Variants in GGNBP2 observed in about 807,000 individuals in gnomAD.
GGNBP2 encodes gametogenetin-binding protein 2.
A neutral mutation model predicts 85.9 loss-of-function variants in GGNBP2; 10 were observed. The observed-to-expected ratio is 0.12, with a 90% confidence interval of 0.07 to 0.20. The LOEUF (loss-of-function observed/expected upper bound fraction) is 0.20, where lower values mean the gene tolerates loss of function less well. GGNBP2 is among the 10% of genes least tolerant of loss of function. The pLI is 1.00. For synonymous variants in GGNBP2, 287 were observed against 285.7 expected (o/e 1.00, Z -0.05); for missense variants, 595 against 857.8 (o/e 0.69, Z 3.83).
chr17:36,589,080 A>C, intron 13 of GGNBP2, 128 bp from the exon 14 acceptor site: 2 of 670,594 alleles, frequency 3.0e-6, no homozygotes, highest in Non-Finnish European at 5.3e-6. Context: ...CAAACACTCC[A>C]ATTAAAGGCT....
rs111854607 is a variant in GGNBP2 at position 36,586,325 on chromosome 17, G to A, written c.1641+127G>A. 6.1e-6 allele frequency: 7 copies of A among 1,144,312 alleles called. No individual in the cohort carries two copies. In the African/African-American group the frequency reaches 9.4e-5, roughly 15 times the overall value. The allele number at this position is 1,144,312 out of a possible 1,614,324, so 70.9% of individuals were successfully genotyped here. On this transcript the variant is annotated intron_variant, in intron 12 of 13. Transcript: ENST00000613102. ...TTTTTTAGAATGAGTTCTTTATGCA[G>A]TTCCATTGGGTGCTCATCGTGTGAG...
At chr17:36,558,395 CA>C (rs2074384087) in intron 4 of GGNBP2, among the ~76,000 whole-genome samples, 1 of 38,948 alleles carries the variant, frequency 2.6e-5, no homozygotes, top group Non-Finnish European at 4.5e-5. Flanking sequence ...GCCTGGGCAA[CA>C]AGAGTAAAGC....
At chr17:36,561,652 T>G (rs1599514667) in intron 5 of GGNBP2, among the ~76,000 whole-genome samples, 1 of 151,212 alleles carries the variant, frequency 6.6e-6, no homozygotes, top group East Asian at 2.0e-4. Flanking sequence ...TGAGATGGAG[T>G]CTCCTCTGTC....
chr17:36,572,741 A>G (rs1295457374), intron 6 of GGNBP2, among the ~76,000 whole-genome samples: 4 of 152,234 alleles, frequency 2.6e-5, no homozygotes, highest in African/African-American at 9.6e-5. Flanking sequence ...TTTTAAGTGT[A>G]CATTATAATT....
chr17:36,557,521 A>G (rs966735489), intron 4 of GGNBP2, among the ~76,000 whole-genome samples, 185 bp downstream of exon 4: 5 of 152,176 alleles, frequency 3.3e-5, no homozygotes, highest in African/African-American at 1.2e-4. Flanking sequence ...GAAAGCAAAT[A>G]TTCAATTTGT....
At chr17:36,558,519 G>A (rs930227954) in intron 4 of GGNBP2, among the ~76,000 whole-genome samples, 1 of 146,818 alleles carries the variant, frequency 6.8e-6, no homozygotes, top group Admixed American at 6.8e-5. Context: ...GCAATGGCTC[G>A]ATCTCAGCTC....
intron 10 of GGNBP2, 121 bp from the exon 11 acceptor site, chr17:36,585,719 A>G (rs2074694320): frequency 1.2e-6 from 1 of 822,042 alleles, no homozygotes. Context: ...TTCATTGGAA[A>G]TGTTCTACTT....
At chr17:36,575,069 G>A (rs775637713) in intron 6 of GGNBP2, 24 of 1,041,268 alleles carry the variant, frequency 2.3e-5, no homozygotes, top group Non-Finnish European at 3.5e-5. Flanking sequence ...AGTGATCTCA[G>A]ATTCCTTCAT....
chr17:36,554,304 G>A (rs1363052385), intron 2 of GGNBP2, among the ~76,000 whole-genome samples: 13 of 74,038 alleles, frequency 1.8e-4, no homozygotes, highest in East Asian at 8.8e-4. Flanking sequence ...GCAAGACTCC[G>A]TCTCAAAAAA....
At chr17:36,584,935 CAG>C (rs2142786403) in intron 9 of GGNBP2, among the ~76,000 whole-genome samples, 1 of 140,118 alleles carries the variant, frequency 7.1e-6, no homozygotes, top group East Asian at 2.1e-4. Context: ...GCCTAAGTGA[CAG>C]AGGGAGACCG....
At chr17:36,581,655 G>A in intron 9 of GGNBP2, 117 bp downstream of exon 9, 1 of 624,412 alleles carries the variant, frequency 1.6e-6, no homozygotes, top group South Asian at 2.6e-5. Context: ...CCAGGGTGGA[G>A]GTATCACTTG....
intron 2 of GGNBP2, chr17:36,547,552 G>A (rs2074267104): frequency 6.6e-6 from 1 of 152,140 alleles, no homozygotes; most frequent in African/African-American, 2.4e-5. Flanking sequence ...ACTTTAAAAT[G>A]GCCAACTTTT....
Position 36,545,821 on chromosome 17 carries a change from A to AGC in GGNBP2, c.93+6_93+7dup. The AGC allele has an allele frequency of 6.5e-7, 1 of 1,546,096 alleles. No individual in the cohort carries two copies. The highest frequency in any genetic ancestry group is 1.2e-5 in the South Asian group (1 of 83,846). On this transcript the variant is annotated splice_donor_region_variant and intron_variant, in intron 2 of 13. Transcript: ENST00000613102. ...CTACATAGACGACACCCTGACGGTG[A>AGC]GCGGGCCGGGCCGGGCTGGGCCCGC...
chr17:36,575,629 TATATATATATATATA>T (rs2074569984), intron 6 of GGNBP2, among the ~76,000 whole-genome samples: 2 of 42,926 alleles, frequency 4.7e-5, no homozygotes, highest in African/African-American at 2.1e-4. Context: ...TATATATATA[TATATATATATATATA>T]TATATTTTTT....
intron 9 of GGNBP2, among the ~76,000 whole-genome samples, chr17:36,583,062 CT>C (rs959613455): frequency 6.1e-5 from 9 of 147,976 alleles, no homozygotes; most frequent in South Asian, 2.1e-4. Context: ...AGCTAGATTC[CT>C]TTTTTTTTTG....
chr17:36,575,633 TA>T (rs1567829591), intron 6 of GGNBP2, among the ~76,000 whole-genome samples: 484 of 48,160 alleles, frequency 0.01, 13 homozygotes, highest in African/African-American at 0.039. Context: ...TATATATATA[TA>T]TATATATATA....
At chr17:36,589,167 C>G in intron 13 of GGNBP2, 41 bp from the exon 14 acceptor site, 1 of 1,424,374 alleles carries the variant, frequency 7.0e-7, no homozygotes, top group Non-Finnish European at 9.8e-7. Flanking sequence ...TAACATTTTG[C>G]ATTCTTAAGT....
At chr17:36,554,708 G>T in intron 2 of GGNBP2, 112 bp from the exon 3 acceptor site, 1 of 753,418 alleles carries the variant, frequency 1.3e-6, no homozygotes. Context: ...TTTTTGAGGG[G>T]CTAGGGATGG....
At chr17:36,570,217 A>G (rs181507225) in intron 6 of GGNBP2, among the ~76,000 whole-genome samples, 1 of 152,224 alleles carries the variant, frequency 6.6e-6, no homozygotes, top group African/African-American at 2.4e-5. Flanking sequence ...GTCTCTACAA[A>G]AAAGCAGAAA....
Sources: gnomAD v4.1 joint callset for allele counts (sites outside exome capture counted in the v4.1 genomes callset) on GRCh38, gnomAD v4.1.1 for gene constraint, MANE v1.5 for transcripts, NCBI Gene and HGNC (gene_info 2026-07-23, HGNC 2026-07-21) for gene names.